Variants in HERC4 observed in about 807,000 individuals in gnomAD.
HERC4 encodes HECT and RLD domain containing E3 ubiquitin protein ligase 4, also known as probable E3 ubiquitin-protein ligase HERC4.
In HERC4, 28 loss-of-function variants were observed where a neutral mutation model predicts 124.3. The ratio of observed to expected loss-of-function variants is 0.23; its 90% CI spans 0.17 to 0.31. HERC4 has a LOEUF of 0.31. HERC4 is among the 10% of genes least tolerant of loss of function. HERC4 has a pLI of 1.00. For synonymous variants in HERC4, 407 were observed against 421.5 expected (o/e 0.97, Z 0.42); for missense variants, 713 against 1,229.3 (o/e 0.58, Z 6.28).
intron 5 of HERC4, 105 bp from the exon 6 acceptor site, chr10:68,034,291 G>A (rs2039349318): frequency 2.5e-6 from 2 of 801,036 alleles, no homozygotes; most frequent in South Asian, 1.8e-5. Flanking sequence ...TATTATTTTG[G>A]GACATTCTGC....
intron 16 of HERC4, among the ~76,000 whole-genome samples, chr10:67,958,847 TGAG>T (rs1314031333): frequency 2.6e-5 from 4 of 152,282 alleles, no homozygotes; most frequent in South Asian, 2.1e-4. Flanking sequence ...CTGGAAGACT[TGAG>T]GAGGACAGAA....
Position 67,952,126 on chromosome 10 carries a change from AATTT to A in HERC4, c.2337+2465_2337+2468del, listed in dbSNP as rs375527573. The stretch of plus-strand genomic sequence containing the variant: ...CCCCTCAATACAATTCCACCGTCAC[AATTT>A]ATTTATTTGTCCAAACCAAGTCCAC... On this transcript the variant is annotated intron_variant, in intron 19 of 24. Coordinates refer to ENST00000373700, the MANE Select transcript of HERC4 (RefSeq NM_015601.4). 3.7e-4 allele frequency among the ~76,000 whole-genome samples: 56 copies of A among 152,238 alleles called. No homozygotes were observed. The East Asian group carries it at 4.6e-3, about 13-fold the overall frequency.
intron 3 of HERC4, among the ~76,000 whole-genome samples, chr10:68,046,855 G>C (rs1466970080): frequency 1.3e-5 from 2 of 152,160 alleles, no homozygotes; most frequent in East Asian, 3.9e-4. Context: ...TCTGTGGGGA[G>C]ACAGAGTGGG....
intron 5 of HERC4, among the ~76,000 whole-genome samples, chr10:68,036,085 C>T (rs1055135530): frequency 5.9e-5 from 9 of 151,788 alleles, no homozygotes; most frequent in Non-Finnish European, 1.2e-4. Context: ...GAGGCTGAGG[C>T]GGGAGGATCA....
intron 5 of HERC4, among the ~76,000 whole-genome samples, chr10:68,034,609 A>G (rs1266378616): frequency 6.6e-6 from 1 of 152,152 alleles, no homozygotes; most frequent in Non-Finnish European, 1.5e-5. Context: ...ACCTCTCCTG[A>G]GCAAAAAACC....
At chr10:68,039,881 C>T (rs764388084) in intron 4 of HERC4, 313 of 993,602 alleles carry the variant, frequency 3.2e-4, no homozygotes, top group Non-Finnish European at 3.6e-4. Context: ...GTATCAAGTA[C>T]AATTTTGCAA....
At chr10:68,059,473 T>TCA in intron 3 of HERC4, among the ~76,000 whole-genome samples, 1 of 131,602 alleles carries the variant, frequency 7.6e-6, no homozygotes, top group East Asian at 2.1e-4. Context: ...ATATTATATA[T>TCA]TATAATATTA....
Position 67,950,132 on chromosome 10 carries a change from G to A in HERC4, c.2337+4463C>T, listed in dbSNP as rs1043487821. On this transcript the variant is annotated intron_variant, in intron 19 of 24. Coordinates refer to ENST00000373700, the MANE Select transcript of HERC4 (RefSeq NM_015601.4). Reference sequence around the variant, plus strand: ...TGCTGAACAAACTAGGGACAGAAGGGAATTTCCTTAACACCATAAAGGGAA... The same window carrying A: ...TGCTGAACAAACTAGGGACAGAAGGAAATTTCCTTAACACCATAAAGGGAA... Among the ~76,000 whole-genome samples, 6 of 152,240 alleles carry A rather than the reference G, an allele frequency of 3.9e-5. No individual in the cohort carries two copies. In the East Asian group the frequency reaches 1.2e-3, roughly 29 times the overall value.
intron 7 of HERC4, among the ~76,000 whole-genome samples, chr10:68,029,107 G>A (rs942566519): frequency 1.3e-5 from 2 of 152,006 alleles, no homozygotes; most frequent in Non-Finnish European, 2.9e-5. Flanking sequence ...CCAAGAATTC[G>A]GTCATAGCTT....
chr10:67,998,563 A>AGG (rs58245126), intron 9 of HERC4, among the ~76,000 whole-genome samples: 3,343 of 130,538 alleles, frequency 0.026, 87 homozygotes, highest in Non-Finnish European at 0.033. Context: ...AAAAAAAAAA[A>AGG]GGGGGGGGGG....
intron 15 of HERC4, among the ~76,000 whole-genome samples, chr10:67,983,474 G>A (rs1304228214): frequency 6.6e-6 from 1 of 152,126 alleles, no homozygotes; most frequent in African/African-American, 2.4e-5. Context: ...CAATCTAAGT[G>A]TCCATCAGTA....
chr10:67,956,956 T>G lies in HERC4; in HGVS notation c.1947A>C (p.Thr649=). ...CAAATACAAATGGATATGTACAGAT[T>G]GTAACAGGGATATCTGCCAACTGGA... is the stretch of plus-strand genomic sequence containing the variant. The part of the protein sequence containing the change: ...AYGMLADIPV[T]ICTYPFVFDA... The change falls in exon 17 of 25, where the codon ACA becomes ACC. Residue 649 remains threonine, a synonymous_variant. Transcript: ENST00000373700. 2 of 1,585,962 alleles carry G rather than the reference T, an allele frequency of 1.3e-6. No individual in the cohort carries two copies. The highest frequency in any genetic ancestry group is 1.7e-6 in the Non-Finnish European group (2 of 1,167,006).
At position 68,010,255 on chromosome 10, in the gene HERC4, G is replaced by C; in HGVS notation, c.1069+3771C>G. ...GAGTGGCGACAGAAACAGGGGGAAA[G>C]GCACTAAGGAACACAGTGCAGTGCA... is the stretch of plus-strand genomic sequence containing the variant. On this transcript the variant is annotated intron_variant, in intron 9 of 24. Coordinates refer to ENST00000373700, the MANE Select transcript of HERC4 (RefSeq NM_015601.4). The C allele has an allele frequency of 3.0e-6, 3 of 1,016,516 alleles. No homozygotes were observed. In the South Asian group the frequency reaches 4.0e-5, roughly 14 times the overall value. 63.0% of individuals were successfully genotyped at this position (1,016,516 alleles called of 1,614,324 possible).
chr10:67,970,889 C>A (rs1220269148), intron 15 of HERC4, among the ~76,000 whole-genome samples: 1 of 151,454 alleles, frequency 6.6e-6, no homozygotes, highest in African/African-American at 2.4e-5. Context: ...AAGCACAAAT[C>A]AAGCAGAAGG....
intron 15 of HERC4, among the ~76,000 whole-genome samples, chr10:67,974,073 TACACACACACACACACACACACACAC>T (rs57454971): frequency 1.0e-5 from 1 of 96,062 alleles, no homozygotes; most frequent in African/African-American, 4.1e-5. Flanking sequence ...AAAATTACTG[TACACACACACACACACACACACACAC>T]ACACACACAC....
Position 68,059,665 on chromosome 10 carries a change from A to G in HERC4, c.226+13218T>C, listed in dbSNP as rs1397863094. ...TATATTATATTATATATCATATTAT[A>G]TATTATATTATATATCATAATATTA... On this transcript the variant is annotated intron_variant, in intron 3 of 24. Coordinates refer to ENST00000373700, the MANE Select transcript of HERC4 (RefSeq NM_015601.4). Among the ~76,000 whole-genome samples, 356 of 67,782 alleles carry G rather than the reference A, an allele frequency of 5.3e-3. 115 individuals are homozygous for G. The highest frequency in any genetic ancestry group is 0.038 in the African/African-American group (345 of 9,062). The allele number at this position is 67,782 out of a possible 152,430, so 44.5% of individuals were successfully genotyped here. A position where few individuals can be genotyped will look rare whatever the true frequency, so the allele number is the denominator to read the frequency against.
At position 68,023,194 on chromosome 10, in the gene HERC4, T is replaced by C. The variant is rs1208031126; in HGVS notation, c.908+2352A>G. On this transcript the variant is annotated intron_variant, in intron 8 of 24. Transcript: ENST00000373700. ...ACCACCAATTCCACTTCTGGGTATA[T>C]GCCCAAAAGAACTGAAAGTGGGGTC... is the stretch of plus-strand genomic sequence containing the variant. Among the ~76,000 whole-genome samples the C allele has an allele frequency of 2.0e-5, 3 of 152,268 alleles. No individual in the cohort carries two copies. In the East Asian group the frequency reaches 5.8e-4, roughly 29 times the overall value.
chr10:68,062,597 C>CA (rs544019270), intron 3 of HERC4, among the ~76,000 whole-genome samples: 5,735 of 140,488 alleles, frequency 0.041, 410 homozygotes, highest in East Asian at 0.32. Flanking sequence ...ACTAAAAATA[C>CA]AAAAAAAAAA....
chr10:68,038,060 C>A (rs562843461), intron 5 of HERC4, 33 bp downstream of exon 5: 8 of 1,210,148 alleles, frequency 6.6e-6, no homozygotes, highest in Non-Finnish European at 9.4e-6. Flanking sequence ...AGTAATAAAA[C>A]TGAAGAGAAA....
Sources: allele counts gnomAD v4.1 joint callset (sites outside exome capture counted in the v4.1 genomes callset), GRCh38; gene constraint gnomAD v4.1.1; transcripts MANE v1.5; gene names NCBI Gene and HGNC (gene_info 2026-07-23, HGNC 2026-07-21).